DRC3: variants seen among roughly 807,000 people sequenced by gnomAD.
DRC3 encodes the protein dynein regulatory complex subunit 3, also known as leucine rich repeat containing 48.
A neutral mutation model predicts 57.6 loss-of-function variants in DRC3; 45 were observed. The ratio of observed to expected loss-of-function variants is 0.78; its 90% CI spans 0.62 to 1.00. The LOEUF (loss-of-function observed/expected upper bound fraction) is 1.00. Ranked by LOEUF, DRC3 falls within the 50% of genes least tolerant of loss-of-function variation. The pLI is 0.00. For missense variants in DRC3, 655 were observed against 675.2 expected (o/e 0.97, Z 0.33); for synonymous variants, 257 against 272.3 (o/e 0.94, Z 0.55).
chr17:17,976,678 AAAAT>A (rs1221109812), intron 2 of DRC3, among the ~76,000 whole-genome samples: 1 of 152,184 alleles, frequency 6.6e-6, no homozygotes, highest in Admixed American at 6.5e-5. Flanking sequence ...TGTCTCAAAA[AAAAT>A]AAATTAATTA....
chr17:18,004,875 G>A (rs996623959), intron 10 of DRC3: 1 of 194,474 alleles, frequency 5.1e-6, no homozygotes, highest in African/African-American at 2.3e-5. Context: ...CTCAGGTGAC[G>A]TGAGGAGGCT....
At chr17:18,007,240 C>A in intron 12 of DRC3, 93 bp downstream of exon 12, 1 of 716,772 alleles carries the variant, frequency 1.4e-6, no homozygotes, top group Non-Finnish European at 2.1e-6. Context: ...TGACAACCTC[C>A]CAGAGCCTCA....
intron 6 of DRC3, 101 bp from the exon 7 acceptor site, chr17:17,994,197 TG>T: frequency 6.8e-7 from 1 of 1,462,350 alleles, no homozygotes; most frequent in Non-Finnish European, 9.2e-7. Flanking sequence ...GCAACACCCC[TG>T]CCCATGCGCG....
chr17:17,980,496 T>C (rs918189819), intron 3 of DRC3, among the ~76,000 whole-genome samples: 1 of 152,104 alleles, frequency 6.6e-6, no homozygotes, highest in African/African-American at 2.4e-5. Context: ...GGTTTCACCA[T>C]GTTGCCCAGG....
chr17:17,986,980 G>A (rs1478119527), intron 4 of DRC3, among the ~76,000 whole-genome samples: 2 of 152,228 alleles, frequency 1.3e-5, no homozygotes, highest in Non-Finnish European at 2.9e-5. Context: ...GGAGGCCGAG[G>A]TGGGAGGATC....
chr17:17,989,038 G>A (rs982161327), intron 5 of DRC3, among the ~76,000 whole-genome samples: 9 of 152,174 alleles, frequency 5.9e-5, no homozygotes, highest in Non-Finnish European at 8.8e-5. Context: ...CATTTGGTTC[G>A]GTGTCAGGCT....
At chr17:17,992,990 G>A in intron 6 of DRC3, 79 bp downstream of exon 6, 1 of 1,504,616 alleles carries the variant, frequency 6.6e-7, no homozygotes. Flanking sequence ...AAGGGGCATT[G>A]AAGAGTAGCT....
intron 5 of DRC3, among the ~76,000 whole-genome samples, chr17:17,990,112 A>G (rs1316971846): frequency 6.6e-6 from 1 of 152,144 alleles, no homozygotes; most frequent in African/African-American, 2.4e-5. Flanking sequence ...ATCTAGCAGG[A>G]TGGAGAGAGC....
chr17:17,980,123 A>C (rs1489402683), intron 3 of DRC3, among the ~76,000 whole-genome samples: 1 of 152,236 alleles, frequency 6.6e-6, no homozygotes, highest in East Asian at 1.9e-4. Context: ...TGTCCTCCCC[A>C]GAACTTTGTG....
chr17:17,984,188 C>T (rs1018381009), intron 4 of DRC3, among the ~76,000 whole-genome samples: 1 of 152,168 alleles, frequency 6.6e-6, no homozygotes, highest in African/African-American at 2.4e-5. Flanking sequence ...ATTCTGCTCT[C>T]ATCTGCCCAA....
intron 2 of DRC3, among the ~76,000 whole-genome samples, chr17:17,974,475 G>T (rs992105500): frequency 6.6e-6 from 1 of 152,180 alleles, no homozygotes; most frequent in Non-Finnish European, 1.5e-5. Flanking sequence ...GGTTTCAAGC[G>T]ATTCTCCTGC....
intron 5 of DRC3, chr17:17,988,315 A>G: frequency 1.8e-6 from 1 of 567,238 alleles, no homozygotes; most frequent in East Asian, 3.0e-5. Flanking sequence ...CTAGTTTACA[A>G]CCTCCACATT....
chr17:18,010,984 A>C, intron 12 of DRC3: 1 of 229,824 alleles, frequency 4.4e-6, no homozygotes. Context: ...TTGAGACGGA[A>C]TTTTGCTTTT....
intron 12 of DRC3, among the ~76,000 whole-genome samples, chr17:18,014,704 A>G (rs2044292191): frequency 6.6e-6 from 1 of 152,174 alleles, no homozygotes; most frequent in Admixed American, 6.5e-5. Context: ...ACCTTTTAGA[A>G]TGAAGGATGA....
chr17:18,004,059 C>T (rs1312361990), intron 9 of DRC3, among the ~76,000 whole-genome samples: 1 of 152,088 alleles, frequency 6.6e-6, no homozygotes, highest in Non-Finnish European at 1.5e-5. Context: ...GCCTACCAGC[C>T]TCTAATAAAA....
intron 4 of DRC3, among the ~76,000 whole-genome samples, chr17:17,985,747 A>T (rs2042927325): frequency 6.6e-6 from 1 of 152,172 alleles, no homozygotes; most frequent in Non-Finnish European, 1.5e-5. Flanking sequence ...CCCCATTGGT[A>T]AACACTTGCT....
intron 10 of DRC3, chr17:18,004,781 A>G: frequency 2.8e-6 from 1 of 357,934 alleles, no homozygotes; most frequent in Non-Finnish European, 5.2e-6. Context: ...CCCTGGAGCT[A>G]TCCGGGTACT....
At chr17:18,013,348 C>T (rs189220720) in intron 12 of DRC3, among the ~76,000 whole-genome samples, 1 of 152,294 alleles carries the variant, frequency 6.6e-6, no homozygotes, top group Admixed American at 6.5e-5. Flanking sequence ...TATCTGCACC[C>T]ATGTTTACTG....
rs973474997 is a variant in DRC3 at position 18,016,162 on chromosome 17, A to T, written c.1425A>T (p.Arg475Ser). The T allele has an allele frequency of 5.1e-5, 83 of 1,613,900 alleles. No homozygotes were observed. The highest frequency in any genetic ancestry group is 6.7e-5 in the Non-Finnish European group (79 of 1,179,888). The stretch of plus-strand genomic sequence containing the variant: ...ATCGAGAAGATGAGCTGGTGACCAG[A>T]ATCAACTCTTGGTGTACACGTTTAA... Reference protein sequence around the residue: ...IDNREDELVTRINSWCTRLID... With the variant: ...IDNREDELVTSINSWCTRLID... Residue 475 changes from arginine (R) to serine (S), a missense_variant, in exon 13 of 14, where the codon AGA becomes AGT. Transcript: ENST00000399187.
Sources: allele counts gnomAD v4.1 joint callset (sites outside exome capture counted in the v4.1 genomes callset), GRCh38; gene constraint gnomAD v4.1.1; transcripts MANE v1.5; gene names NCBI Gene and HGNC (gene_info 2026-07-23, HGNC 2026-07-21).